Variants in CDC42BPA observed in about 807,000 individuals in gnomAD.
The protein encoded by CDC42BPA is CDC42 binding protein kinase alpha.
Under a neutral mutation model 223.5 loss-of-function variants are expected in CDC42BPA, and 80 were observed. That is an observed-to-expected ratio of 0.36 (90% CI 0.30 to 0.43). The LOEUF (loss-of-function observed/expected upper bound fraction) is 0.43, where lower values mean the gene tolerates loss of function less well. Ranked by LOEUF, CDC42BPA falls within the 20% of genes least tolerant of loss-of-function variation. The pLI is 1.00. For missense variants in CDC42BPA, 1,743 were observed against 2,099.9 expected (o/e 0.83, Z 3.32); for synonymous variants, 694 against 718.6 (o/e 0.97, Z 0.55).
In CDC42BPA at chr1:227,080,905, T is replaced by C. The variant is rs1680495221; in HGVS notation, c.2468A>G (p.Glu823Gly). The C allele has an allele frequency of 6.2e-7, 1 of 1,613,624 alleles. No individual in the cohort carries two copies. Among genetic ancestry groups the C allele is most frequent in the South Asian group, 1.1e-5 (1 of 91,084 alleles). Residue 823 changes from glutamate to glycine, a missense_variant, in exon 17 of 37, where the codon GAA becomes GGA. Around this residue, in one of 6 missense-constraint regions of CDC42BPA, gnomAD observed 464 missense variants for 488.0 expected, o/e 0.95. Coordinates refer to ENST00000366766, the MANE Select transcript of CDC42BPA (RefSeq NM_001394014.1). ...AAAGAGCACTCACCACTGAATTATT[T>C]CTGTGATTTGGGCTTCCCAATGTGC... The part of the protein sequence containing the change: ...SVAHWEAQIT[E>G]IIQWVSDEKD...
intron 1 of CDC42BPA, among the ~76,000 whole-genome samples, chr1:227,273,994 C>CAAA (rs1686464890): frequency 1.0e-4 from 2 of 19,280 alleles, no homozygotes; most frequent in Non-Finnish European, 1.9e-4. Flanking sequence ...TTCGTATACA[C>CAAA]CAAAAAAAAA....
chr1:227,107,759 A>G (rs1243051407), intron 14 of CDC42BPA, among the ~76,000 whole-genome samples: 1 of 152,040 alleles, frequency 6.6e-6, no homozygotes, highest in Admixed American at 6.6e-5. Flanking sequence ...TACTGATTCA[A>G]TGTCTTTACT....
At chr1:227,265,382 G>C (rs1282733490) in intron 1 of CDC42BPA, among the ~76,000 whole-genome samples, 1 of 152,038 alleles carries the variant, frequency 6.6e-6, no homozygotes, top group Non-Finnish European at 1.5e-5. Context: ...ATGAAAAGTA[G>C]TTAAGTACAG....
intron 10 of CDC42BPA, among the ~76,000 whole-genome samples, chr1:227,133,356 C>T (rs2999725): frequency 3.3e-5 from 5 of 150,696 alleles, no homozygotes; most frequent in South Asian, 2.1e-4. Context: ...GACAGCCCCC[C>T]GCCTGGCCAG....
intron 2 of CDC42BPA, among the ~76,000 whole-genome samples, chr1:227,228,157 A>G (rs537007230): frequency 1.1e-4 from 17 of 152,348 alleles, no homozygotes; most frequent in African/African-American, 3.8e-4. Context: ...CCAGCAGGAT[A>G]AACAGCTAAT....
At chr1:227,078,882 T>A (rs1334303033) in intron 17 of CDC42BPA, among the ~76,000 whole-genome samples, 2 of 152,164 alleles carry the variant, frequency 1.3e-5, no homozygotes, top group South Asian at 4.1e-4. Flanking sequence ...TGGAACTTTT[T>A]GAGTACTGAC....
intron 9 of CDC42BPA, among the ~76,000 whole-genome samples, chr1:227,142,069 G>A (rs12409816): frequency 0.15 from 23,491 of 152,200 alleles, 2,197 homozygotes; most frequent in African/African-American, 0.25. Flanking sequence ...GGGACTTGAG[G>A]TTGGTAATCA....
intron 16 of CDC42BPA, among the ~76,000 whole-genome samples, chr1:227,084,813 A>G (rs894451433): frequency 1.3e-5 from 2 of 152,096 alleles, no homozygotes; most frequent in African/African-American, 4.8e-5. Flanking sequence ...TGGGTCAAAC[A>G]TTATTCTGGG....
intron 10 of CDC42BPA, among the ~76,000 whole-genome samples, chr1:227,134,638 C>CAGCT (rs1658119812): frequency 1.3e-5 from 2 of 152,140 alleles, no homozygotes; most frequent in African/African-American, 4.8e-5. Flanking sequence ...ATGGGCAGTA[C>CAGCT]AGCTCCTGGG....
Position 226,994,236 on chromosome 1 carries a change from C to A in CDC42BPA, c.*32G>T, listed in dbSNP as rs371666866. ...GTGAGAGGAGGCGAGTGGCAGGGAGCGGAGAGCGAGAGGTCCCAGTGCTGA... is the reference window on the plus strand; with the variant it reads ...GTGAGAGGAGGCGAGTGGCAGGGAGAGGAGAGCGAGAGGTCCCAGTGCTGA... On this transcript the variant is annotated 3_prime_UTR_variant, in exon 37 of 37. Coordinates refer to ENST00000366766, the MANE Select transcript of CDC42BPA (RefSeq NM_001394014.1). This position sits in a 1 kb window ranked among gnomAD's most constrained non-coding sequence, Gnocchi z 4.0. 6.5e-7 allele frequency: 1 copy of A among 1,547,884 alleles called. No individual in the cohort carries two copies.
At chr1:227,188,956 G>A (rs569082571) in intron 5 of CDC42BPA, among the ~76,000 whole-genome samples, 38 of 152,070 alleles carry the variant, frequency 2.5e-4, no homozygotes, top group African/African-American at 8.9e-4. Flanking sequence ...TGTGGTGGGC[G>A]GGAGTAGATA....
chr1:227,064,559 G>C (rs1289865692), intron 21 of CDC42BPA, among the ~76,000 whole-genome samples: 1 of 152,082 alleles, frequency 6.6e-6, no homozygotes, highest in Non-Finnish European at 1.5e-5. Flanking sequence ...GAAAATCTAA[G>C]CAGCTGAGCT....
chr1:227,193,705 A>G, intron 5 of CDC42BPA, 81 bp downstream of exon 5: 1 of 1,134,604 alleles, frequency 8.8e-7, no homozygotes, highest in Non-Finnish European at 1.2e-6. Flanking sequence ...ACCATAATTA[A>G]TAAATCTGGC....
In CDC42BPA at chr1:227,073,849, A is replaced by T. The variant is rs756261744; in HGVS notation, c.2735+15T>A. ...TTAGAAATTATTCTAGTGGGACTAT[A>T]TGATTCAATCTTACCATTCTGTTAT... On this transcript the variant is annotated intron_variant, in intron 19 of 36. Transcript: ENST00000366766. 1.6e-5 allele frequency: 24 copies of T among 1,534,458 alleles called. No homozygotes were observed. Among genetic ancestry groups the T allele is most frequent in the Non-Finnish European group, 2.0e-5 (23 of 1,136,498 alleles).
At chr1:227,289,171 A>C (rs1336080029) in intron 1 of CDC42BPA, among the ~76,000 whole-genome samples, 2 of 152,142 alleles carry the variant, frequency 1.3e-5, no homozygotes, top group African/African-American at 4.8e-5. Flanking sequence ...TACCCTTTTA[A>C]AGCATAAATC....
intron 1 of CDC42BPA, among the ~76,000 whole-genome samples, chr1:227,257,843 T>A (rs1393859708): frequency 1.3e-5 from 2 of 150,312 alleles, no homozygotes; most frequent in African/African-American, 5.0e-5. Context: ...ACACACAAGT[T>A]TGACAAGGTG....
rs138200972 is a variant in CDC42BPA at position 227,052,604 on chromosome 1, A to G, written c.2905-619T>C. On this transcript the variant is annotated intron_variant, in intron 21 of 36. Transcript: ENST00000366766. ...AGATCTTATGAACCATACTGATTGA[A>G]CCATACTAGTCTGTATGGCAAGTTT... is the stretch of plus-strand genomic sequence containing the variant. Among the ~76,000 whole-genome samples the G allele has an allele frequency of 1.9e-3, 290 of 152,280 alleles. 2 individuals carry two copies. The highest frequency in any genetic ancestry group is 6.6e-3 in the African/African-American group (273 of 41,572).
chr1:227,275,583 TTCCCCC>T (rs1220964689), intron 1 of CDC42BPA, among the ~76,000 whole-genome samples: 21 of 150,110 alleles, frequency 1.4e-4, no homozygotes, highest in Admixed American at 1.1e-3. Context: ...TGAAAAAATG[TTCCCCC>T]TCCCCCTCCC....
At chr1:227,011,523 CCT>C (rs1355368517) in intron 34 of CDC42BPA, among the ~76,000 whole-genome samples, 1 of 152,004 alleles carries the variant, frequency 6.6e-6, no homozygotes, top group Non-Finnish European at 1.5e-5. Flanking sequence ...AAAAGCATTC[CCT>C]GATAATGTGT....
Sources: allele counts gnomAD v4.1 joint callset (sites outside exome capture counted in the v4.1 genomes callset), GRCh38; gene constraint gnomAD v4.1.1; regional missense constraint gnomAD v4.1.1; non-coding constraint Gnocchi (gnomAD v3.1); transcripts MANE v1.5; gene names NCBI Gene and HGNC (gene_info 2026-07-23, HGNC 2026-07-21).